Variants in FRMD6 observed in about 807,000 individuals in gnomAD.
FRMD6 encodes the protein FERM domain-containing protein 6.
FRMD6 carries 37 observed loss-of-function variants against 73.2 expected under a neutral mutation model. The ratio of observed to expected loss-of-function variants is 0.51; its 90% confidence interval spans 0.39 to 0.66. The LOEUF is 0.66. Among genes scored for constraint, FRMD6 ranks in the 30% least tolerant of loss-of-function variants. FRMD6 has a pLI of 0.00. For missense variants in FRMD6, 714 were observed against 780.5 expected (o/e 0.91, Z 1.02); for synonymous variants, 273 against 282.2 (o/e 0.97, Z 0.33).
intron 1 of FRMD6, among the ~76,000 whole-genome samples, chr14:51,658,316 C>G (rs1409479591): frequency 6.7e-6 from 1 of 148,320 alleles, no homozygotes; most frequent in East Asian, 2.0e-4. Flanking sequence ...TGGGGCTTGC[C>G]TTTTCCCTTT....
At chr14:51,472,477 G>A in the FRMD6 span, among the ~76,000 whole-genome samples, 3 of 152,128 alleles carry the variant, frequency 2.0e-5, no homozygotes, top group Admixed American at 6.5e-5. Flanking sequence ...CTAATTTTTT[G>A]TATTTTTAGT....
chr14:51,412,775 C>T, the FRMD6 span, among the ~76,000 whole-genome samples: 106 of 151,796 alleles, frequency 7.0e-4, no homozygotes, highest in East Asian at 2.6e-3. Context: ...TGACATGAAC[C>T]GGGGAGGCGC....
chr14:51,497,888 A>T (rs1014773612), intron 1 of FRMD6, among the ~76,000 whole-genome samples: 12 of 152,230 alleles, frequency 7.9e-5, no homozygotes, highest in Admixed American at 2.0e-4. Flanking sequence ...CCTTTCATCC[A>T]GTTGAGAGTC....
chr14:51,545,920 T>C (rs1290093558), intron 1 of FRMD6, among the ~76,000 whole-genome samples: 1 of 152,148 alleles, frequency 6.6e-6, no homozygotes, highest in East Asian at 1.9e-4. Flanking sequence ...CTTATTATTA[T>C]AGCATTGTGA....
intron 1 of FRMD6, among the ~76,000 whole-genome samples, chr14:51,518,659 T>G (rs1031525435): frequency 1.3e-5 from 2 of 152,198 alleles, no homozygotes; most frequent in Non-Finnish European, 2.9e-5. Flanking sequence ...CCTTGTGACC[T>G]TTCTCATTTC....
intron 1 of FRMD6, among the ~76,000 whole-genome samples, chr14:51,513,623 ATT>A (rs5808615): frequency 0.099 from 14,686 of 148,854 alleles, 815 homozygotes; most frequent in East Asian, 0.25. Flanking sequence ...GAATCTCTAC[ATT>A]TTTTTTTTTT....
chr14:51,488,359 T>C (rs543944089), upstream of FRMD6, among the ~76,000 whole-genome samples: 23 of 152,356 alleles, frequency 1.5e-4, no homozygotes, highest in South Asian at 3.5e-3. Flanking sequence ...ATGGAATAGA[T>C]GTAAAACTGA....
At chr14:51,403,496 G>A in the FRMD6 span, among the ~76,000 whole-genome samples, 1 of 152,022 alleles carries the variant, frequency 6.6e-6, no homozygotes, top group Non-Finnish European at 1.5e-5. Flanking sequence ...TACCTCCCTG[G>A]CTCAGGTGAT....
At chr14:51,723,511 T>TG (rs1433174675) in intron 12 of FRMD6, among the ~76,000 whole-genome samples, 1 of 152,134 alleles carries the variant, frequency 6.6e-6, no homozygotes, top group Non-Finnish European at 1.5e-5. Context: ...CCAGGTGTGG[T>TG]GGCTCACACG....
the FRMD6 span, among the ~76,000 whole-genome samples, chr14:51,443,622 A>C: frequency 1.3e-5 from 2 of 152,224 alleles, no homozygotes; most frequent in Non-Finnish European, 2.9e-5. Flanking sequence ...GATGCACAGG[A>C]TGAGGAGTTG....
chr14:51,449,848 C>G, the FRMD6 span, among the ~76,000 whole-genome samples: 27 of 152,256 alleles, frequency 1.8e-4, no homozygotes, highest in Admixed American at 1.2e-3. Flanking sequence ...CATAGGGGAA[C>G]AGATGGCAGC....
intron 1 of FRMD6, among the ~76,000 whole-genome samples, chr14:51,538,701 C>A (rs1245473163): frequency 2.0e-5 from 3 of 152,138 alleles, no homozygotes; most frequent in Non-Finnish European, 2.9e-5. Flanking sequence ...ATCAACTAGC[C>A]ACCTAAGATA....
At chr14:51,422,079 C>G in the FRMD6 span, among the ~76,000 whole-genome samples, 2 of 152,156 alleles carry the variant, frequency 1.3e-5, no homozygotes, top group Non-Finnish European at 2.9e-5. Context: ...TTTCTTAAAA[C>G]CTTTTTTATA....
intron 1 of FRMD6, among the ~76,000 whole-genome samples, chr14:51,523,873 G>T (rs1277597728): frequency 6.6e-6 from 1 of 152,184 alleles, no homozygotes; most frequent in East Asian, 1.9e-4. Context: ...TAACAGTGTT[G>T]TTGACCAAAT....
At chr14:51,650,611 G>T (rs1445329119), upstream of FRMD6, 1 of 150,934 alleles carries the variant, frequency 6.6e-6, no homozygotes, top group Non-Finnish European at 1.5e-5. Context: ...TAGCCGGGAT[G>T]GTCTCGATCT....
At chr14:51,404,978 T>C in the FRMD6 span, among the ~76,000 whole-genome samples, 1 of 152,128 alleles carries the variant, frequency 6.6e-6, no homozygotes, top group Non-Finnish European at 1.5e-5. Flanking sequence ...TCTTTGTGTC[T>C]ATGAGTTCTC....
At chr14:51,531,070 GC>G (rs1885554929) in intron 1 of FRMD6, among the ~76,000 whole-genome samples, 1 of 152,140 alleles carries the variant, frequency 6.6e-6, no homozygotes, top group Non-Finnish European at 1.5e-5. Flanking sequence ...GTGGCCTCAA[GC>G]CCTTTCATAA....
chr14:51,605,988 T>C lies in FRMD6; in HGVS notation c.-147+35578T>C, dbSNP rs115312681. ...AGGGTCAGAGAAATTGGTGTCTTAA[T>C]TGAAAATTGATAATGCAGCCAGAAG... is the stretch of plus-strand genomic sequence containing the variant. On this transcript the variant is annotated intron_variant, in intron 2 of 14. Transcript: ENST00000356218. Among the ~76,000 whole-genome samples the C allele has an allele frequency of 3.1e-3, 469 of 152,286 alleles. 2 individuals carry two copies. Among genetic ancestry groups the C allele is most frequent in the African/African-American group, 0.01 (422 of 41,550 alleles).
the FRMD6 span, among the ~76,000 whole-genome samples, chr14:51,414,370 A>G: frequency 2.0e-5 from 3 of 152,202 alleles, no homozygotes; most frequent in Non-Finnish European, 2.9e-5. Flanking sequence ...CTTTCCACAT[A>G]TGGCTAGCCA....
Sources: gnomAD v4.1 joint callset for allele counts (sites outside exome capture counted in the v4.1 genomes callset) on GRCh38, gnomAD v4.1.1 for gene constraint, MANE v1.5 for transcripts, NCBI Gene and HGNC (gene_info 2026-07-23, HGNC 2026-07-21) for gene names.